The following GRIA2 variants were observed in gnomAD, a reference collection of about 807,000 sequenced individuals.
The protein encoded by GRIA2 is glutamate ionotropic receptor AMPA type subunit 2.
In GRIA2, 14 loss-of-function variants were observed where a neutral mutation model predicts 97.3. The ratio of observed to expected loss-of-function variants is 0.14; its 90% CI spans 0.10 to 0.23. The LOEUF (loss-of-function observed/expected upper bound fraction) is 0.23, where lower values mean the gene tolerates loss of function less well. Among genes scored for constraint, GRIA2 ranks in the 10% least tolerant of loss-of-function variants. GRIA2 has a pLI of 1.00. For synonymous variants in GRIA2, 412 were observed against 387.8 expected (o/e 1.06, Z -0.73); for missense variants, 558 against 1,069.8 (o/e 0.52, Z 6.67).
At chr4:157,336,777 C>T in intron 11 of GRIA2, 30 bp downstream of exon 11, 1 of 1,586,254 alleles carries the variant, frequency 6.3e-7, no homozygotes, top group Non-Finnish European at 8.6e-7. Context: ...CAACTTTGTG[C>T]ATTTCAGGTC....
chr4:157,230,284 T>G (rs530172863), intron 2 of GRIA2, among the ~76,000 whole-genome samples: 1 of 152,318 alleles, frequency 6.6e-6, no homozygotes, highest in East Asian at 1.9e-4. Context: ...ATATTATTTA[T>G]TGTGCATGAA....
At chr4:157,350,570 G>C (rs1679139093) in intron 12 of GRIA2, among the ~76,000 whole-genome samples, 1 of 149,968 alleles carries the variant, frequency 6.7e-6, no homozygotes, top group African/African-American at 2.4e-5. Flanking sequence ...GTGTTTACAT[G>C]GAGAAAAAAA....
At chr4:157,349,211 C>T (rs559357467) in intron 12 of GRIA2, among the ~76,000 whole-genome samples, 2 of 152,214 alleles carry the variant, frequency 1.3e-5, no homozygotes, top group African/African-American at 4.8e-5. Flanking sequence ...TGGTCCTTGA[C>T]TTACCAAAGG....
At chr4:157,292,579 A>T (rs1294111074) in intron 2 of GRIA2, among the ~76,000 whole-genome samples, 2 of 152,074 alleles carry the variant, frequency 1.3e-5, no homozygotes, top group East Asian at 1.9e-4. Flanking sequence ...AAAAGGAAGA[A>T]AAATAGGGGC....
intron 2 of GRIA2, among the ~76,000 whole-genome samples, chr4:157,283,355 C>G (rs1732694834): frequency 6.6e-6 from 1 of 151,910 alleles, no homozygotes; most frequent in Admixed American, 6.6e-5. Context: ...TATCTCCTAG[C>G]TGAATAATCT....
At chr4:157,330,986 A>G (rs1202916300) in intron 6 of GRIA2, among the ~76,000 whole-genome samples, 2 of 151,998 alleles carry the variant, frequency 1.3e-5, no homozygotes, top group African/African-American at 2.4e-5. Context: ...GAAATATTTA[A>G]CTATCCAATC....
At chr4:157,238,857 T>C (rs559480962) in intron 2 of GRIA2, among the ~76,000 whole-genome samples, 2 of 152,286 alleles carry the variant, frequency 1.3e-5, no homozygotes, top group East Asian at 3.9e-4. Context: ...TGCATCATTG[T>C]TACAATTTTT....
At chr4:157,221,487 G>T (rs1729490380) in intron 1 of GRIA2, 180 bp from the exon 2 acceptor site, 1 of 643,298 alleles carries the variant, frequency 1.6e-6, no homozygotes, top group Non-Finnish European at 2.7e-6. Context: ...TCTCATCTGG[G>T]TCTTGACCCC....
chr4:157,299,792 A>G (rs1579343796), intron 2 of GRIA2, among the ~76,000 whole-genome samples: 1 of 152,334 alleles, frequency 6.6e-6, no homozygotes, highest in Non-Finnish European at 1.5e-5. Context: ...CAAAGTTGAT[A>G]TTAAATATTT....
At chr4:157,256,226 A>AACATATATTACATATATAGTTATATATT (rs1554007393) in intron 2 of GRIA2, among the ~76,000 whole-genome samples, 1 of 119,872 alleles carries the variant, frequency 8.3e-6, no homozygotes, top group East Asian at 2.1e-4. Flanking sequence ...TATAATATAT[A>AACATATATTACATATATAGTTATATATT]ATATATAATA....
intron 2 of GRIA2, among the ~76,000 whole-genome samples, chr4:157,275,183 T>C (rs1732233441): frequency 6.6e-6 from 1 of 152,210 alleles, no homozygotes. Context: ...GAAGTGTCTG[T>C]TCATATCCTT....
At chr4:157,289,871 G>T (rs1733016890) in intron 2 of GRIA2, among the ~76,000 whole-genome samples, 2 of 151,698 alleles carry the variant, frequency 1.3e-5, no homozygotes, top group Admixed American at 1.3e-4. Flanking sequence ...TCACTACTCT[G>T]GAATTTATTT....
intron 8 of GRIA2, 55 bp downstream of exon 8, chr4:157,333,408 C>T (rs1735146014): frequency 1.2e-6 from 1 of 818,618 alleles, no homozygotes; most frequent in Non-Finnish European, 2.0e-6. Flanking sequence ...GTTAGCTAGC[C>T]TATGAGTTCA....
At chr4:157,337,782 A>C (rs1371739433) in intron 11 of GRIA2, among the ~76,000 whole-genome samples, 1 of 151,666 alleles carries the variant, frequency 6.6e-6, no homozygotes, top group Non-Finnish European at 1.5e-5. Flanking sequence ...TCACTGAGTA[A>C]GATAAAGGAA....
chr4:157,333,446 A>T (rs1735148226), intron 8 of GRIA2, 93 bp downstream of exon 8: 5 of 573,930 alleles, frequency 8.7e-6, no homozygotes, highest in Non-Finnish European at 1.5e-5. Flanking sequence ...GGAGATGTGT[A>T]TTCACATAGA....
At chr4:157,279,108 T>A (rs1732479584) in intron 2 of GRIA2, among the ~76,000 whole-genome samples, 1 of 152,148 alleles carries the variant, frequency 6.6e-6, no homozygotes, top group African/African-American at 2.4e-5. Context: ...CTCCTTGGTA[T>A]TTATCCAAAT....
chr4:157,285,256 G>T (rs1412692226), intron 2 of GRIA2, among the ~76,000 whole-genome samples: 1 of 151,336 alleles, frequency 6.6e-6, no homozygotes, highest in African/African-American at 2.4e-5. Context: ...ATATTGGGTT[G>T]TCTGTTTTTT....
rs1307130563 is a variant in GRIA2 at position 157,253,403 on chromosome 4, C to T, written c.229+31596C>T. ...AAGTGCTGGGATTACAGACATGAAC[C>T]GCTATGCCTGGCCCCTTTTTGTTTT... On this transcript the variant is annotated intron_variant, in intron 2 of 15. Coordinates refer to ENST00000264426, the MANE Select transcript of GRIA2 (RefSeq NM_001083619.3). 4.6e-5 allele frequency among the ~76,000 whole-genome samples: 7 copies of T among 152,068 alleles called. No individual in the cohort carries two copies. In the East Asian group the frequency reaches 7.7e-4, roughly 17 times the overall value.
chr4:157,231,824 T>A (rs1352417941), intron 2 of GRIA2, among the ~76,000 whole-genome samples: 1 of 152,156 alleles, frequency 6.6e-6, no homozygotes, highest in East Asian at 1.9e-4. Context: ...GTTGAAGATA[T>A]TTTTTAAAAA....
Sources: gnomAD v4.1 joint callset for allele counts (sites outside exome capture counted in the v4.1 genomes callset) on GRCh38, gnomAD v4.1.1 for gene constraint, MANE v1.5 for transcripts, NCBI Gene and HGNC (gene_info 2026-07-23, HGNC 2026-07-21) for gene names.